Variants in SPDYA observed in about 807,000 individuals in gnomAD.
SPDYA encodes the protein speedy protein A.
Under a neutral mutation model 36.7 loss-of-function variants are expected in SPDYA, and 11 were observed. The ratio of observed to expected loss-of-function variants is 0.30; its 90% CI spans 0.19 to 0.50. The LOEUF (loss-of-function observed/expected upper bound fraction) is 0.50, where lower values mean the gene tolerates loss of function less well. Among genes scored for constraint, SPDYA ranks in the 20% least tolerant of loss-of-function variants. SPDYA has a pLI of 0.98. For missense variants in SPDYA, 287 were observed against 370.9 expected (o/e 0.77, Z 1.86); for synonymous variants, 115 against 118.7 (o/e 0.97, Z 0.20).
rs548358963 is a variant in SPDYA, at chr2:28,823,350, C to T, written c.380+940C>T. Among the ~76,000 whole-genome samples, 26 of 152,110 alleles carry T rather than the reference C, an allele frequency of 1.7e-4. No homozygotes were observed. In the South Asian group the frequency reaches 5.2e-3, roughly 30 times the overall value. ...TTAAGAATATGTTTCTGGCCAGGCA[C>T]GGTGGCTCACGCCTGTAATCCCAAC... On this transcript the variant is annotated intron_variant, in intron 5 of 7. Coordinates refer to ENST00000334056, the MANE Select transcript of SPDYA (RefSeq NM_182756.4).
intron 7 of SPDYA, among the ~76,000 whole-genome samples, chr2:28,848,771 G>C (rs1232543018): frequency 6.6e-6 from 1 of 152,102 alleles, no homozygotes; most frequent in Non-Finnish European, 1.5e-5. Context: ...GGCCGGGCAT[G>C]GTGGCTCCAC....
intron 7 of SPDYA, among the ~76,000 whole-genome samples, chr2:28,845,249 C>CT (rs372229883): frequency 1.1e-3 from 152 of 132,542 alleles, no homozygotes; most frequent in East Asian, 2.6e-3. Context: ...CCATGCCCAG[C>CT]TTTTTTTTTT....
chr2:28,840,119 T>C, intron 6 of SPDYA, 53 bp from the exon 7 acceptor site: 1 of 1,510,646 alleles, frequency 6.6e-7, no homozygotes, highest in Non-Finnish European at 9.0e-7. Context: ...GAACTCAATT[T>C]TAGTAAATTT....
chr2:28,829,464 A>G (rs1572503814), intron 6 of SPDYA, 145 bp downstream of exon 6: 1 of 705,884 alleles, frequency 1.4e-6, no homozygotes, highest in East Asian at 2.8e-5. Flanking sequence ...GATCATTACC[A>G]TGAATACAAC....
At chr2:28,816,338 G>T in intron 3 of SPDYA, 89 bp downstream of exon 3, 2 of 966,298 alleles carry the variant, frequency 2.1e-6, no homozygotes, top group South Asian at 2.4e-5. Context: ...TGATCAAAGA[G>T]GATATCATTA....
chr2:28,827,083 C>G (rs1005888075), intron 5 of SPDYA, among the ~76,000 whole-genome samples: 1 of 151,642 alleles, frequency 6.6e-6, no homozygotes. Context: ...GGACTACTGG[C>G]GCCCGCCACC....
chr2:28,822,764 C>T lies in SPDYA; in HGVS notation c.380+354C>T, dbSNP rs1022284289. On this transcript the variant is annotated intron_variant, in intron 5 of 7. Transcript: ENST00000334056. Reference sequence around the variant, plus strand: ...CTGAGATTACAGCCACGTGCCACCACGCTCAGCTAATTTTTGTATTTTTAG... The same window carrying T: ...CTGAGATTACAGCCACGTGCCACCATGCTCAGCTAATTTTTGTATTTTTAG... Among the ~76,000 whole-genome samples, 70 of 152,054 alleles carry T rather than the reference C, an allele frequency of 4.6e-4. 1 individual carries two copies. The highest frequency in any genetic ancestry group is 2.0e-4 in the Admixed American group (3 of 15,262).
chr2:28,812,121 C>T (rs1342436498), intron 1 of SPDYA, among the ~76,000 whole-genome samples: 1 of 152,160 alleles, frequency 6.6e-6, no homozygotes, highest in African/African-American at 2.4e-5. Context: ...AATTTCTTAA[C>T]TTCTTTAAGC....
intron 1 of SPDYA, among the ~76,000 whole-genome samples, chr2:28,812,857 C>CA (rs70956047): frequency 0.1 from 8,456 of 83,744 alleles, 530 homozygotes; most frequent in East Asian, 0.31. Context: ...AACTCCGTCT[C>CA]AAAAAAAAAA....
chr2:28,850,029 G>C lies in SPDYA; in HGVS notation c.*88G>C. The stretch of plus-strand genomic sequence containing the variant: ...AGTGTCAAAATGGGATGTTTAAGCA[G>C]TTTTGCTATGTTATACATCTTTTAG... On this transcript the variant is annotated 3_prime_UTR_variant, in exon 8 of 8. Coordinates refer to ENST00000334056, the MANE Select transcript of SPDYA (RefSeq NM_182756.4). The C allele has an allele frequency of 8.2e-7, 1 of 1,218,184 alleles. No homozygotes were observed. The highest frequency in any genetic ancestry group is 1.2e-6 in the Non-Finnish European group (1 of 847,250). The allele number at this position is 1,218,184 out of a possible 1,614,324, so 75.5% of individuals were successfully genotyped here.
chr2:28,826,152 T>C (rs1668311283), intron 5 of SPDYA, among the ~76,000 whole-genome samples: 1 of 151,950 alleles, frequency 6.6e-6, no homozygotes. Flanking sequence ...GTTTTTGTTT[T>C]TTGAGATGGA....
At chr2:28,846,760 C>CACAG (rs1234428658) in intron 7 of SPDYA, among the ~76,000 whole-genome samples, 1 of 150,770 alleles carries the variant, frequency 6.6e-6, no homozygotes, top group Non-Finnish European at 1.5e-5. Context: ...CACACACACA[C>CACAG]ACACACACAC....
At chr2:28,813,251 T>A (rs928275165) in intron 1 of SPDYA, among the ~76,000 whole-genome samples, 1 of 152,240 alleles carries the variant, frequency 6.6e-6, no homozygotes, top group Non-Finnish European at 1.5e-5. Context: ...TTTAGAGGAA[T>A]AGTGTAAAGA....
intron 6 of SPDYA, among the ~76,000 whole-genome samples, chr2:28,830,946 A>G (rs1303784700): frequency 6.6e-6 from 1 of 152,208 alleles, no homozygotes; most frequent in Non-Finnish European, 1.5e-5. Context: ...AAAATTTGAT[A>G]AATGTTGATA....
At position 28,819,052 on chromosome 2, in the gene SPDYA, C is replaced by T. The variant is rs139982224; in HGVS notation, c.240C>T (p.Asp80=). 3.8e-4 allele frequency: 610 copies of T among 1,608,372 alleles called. 6 individuals are homozygous for T. The African/African-American group carries it at 5.5e-3, about 14-fold the overall frequency. ...TATAGCTATCTTTTGTTGTAGATGA[C>T]GATTTAATTCAAGATTTCTTGTGGA... is the stretch of plus-strand genomic sequence containing the variant. ...DMTAFFKLFD[D]DLIQDFLWMD... is the part of the protein sequence containing the mutation. The change falls in exon 4 of 8, where the codon GAC becomes GAT. Residue 80 remains aspartate, a synonymous_variant. Coordinates refer to ENST00000334056, the MANE Select transcript of SPDYA (RefSeq NM_182756.4).
Position 28,850,269 on chromosome 2 carries a change from G to A in SPDYA, c.*328G>A, listed in dbSNP as rs775504055. On this transcript the variant is annotated 3_prime_UTR_variant, in exon 8 of 8. Coordinates refer to ENST00000334056, the MANE Select transcript of SPDYA (RefSeq NM_182756.4). ...TAATTTAAGAGAAGAAAAACATAAA[G>A]TCATTATATTAATTAAAAGAAAAAA... 6.2e-7 allele frequency: 1 copy of A among 1,605,838 alleles called. No individual in the cohort carries two copies. Among genetic ancestry groups the A allele is most frequent in the Non-Finnish European group, 8.5e-7 (1 of 1,175,046 alleles).
chr2:28,844,676 G>A (rs1668827732), intron 7 of SPDYA, among the ~76,000 whole-genome samples: 1 of 152,134 alleles, frequency 6.6e-6, no homozygotes, highest in Non-Finnish European at 1.5e-5. Context: ...GCTCACATCT[G>A]TAATCCCAAC....
intron 6 of SPDYA, among the ~76,000 whole-genome samples, chr2:28,839,751 A>G (rs1668704473): frequency 6.6e-6 from 1 of 152,088 alleles, no homozygotes; most frequent in Admixed American, 6.6e-5. Flanking sequence ...ATCCACCCGC[A>G]TCGGCCTCCC....
chr2:28,814,223 G>A (rs1334130388), intron 1 of SPDYA, among the ~76,000 whole-genome samples: 2 of 152,064 alleles, frequency 1.3e-5, no homozygotes, highest in African/African-American at 4.8e-5. Flanking sequence ...AACTGAAGGA[G>A]CATATTTTTC....
Sources: gnomAD v4.1 joint callset for allele counts (sites outside exome capture counted in the v4.1 genomes callset) on GRCh38, gnomAD v4.1.1 for gene constraint, MANE v1.5 for transcripts, NCBI Gene and HGNC (gene_info 2026-07-23, HGNC 2026-07-21) for gene names.